The following GMDS variants were observed in gnomAD, a reference collection of about 807,000 sequenced individuals.
GMDS encodes the protein GDP-mannose 4,6 dehydratase.
GMDS carries 20 observed loss-of-function variants against 49.9 expected under a neutral mutation model. The observed-to-expected ratio is 0.40, with a 90% CI of 0.28 to 0.58. The LOEUF (loss-of-function observed/expected upper bound fraction) is 0.58, where lower values mean the gene tolerates loss of function less well. GMDS is among the 20% of genes least tolerant of loss of function. GMDS has a pLI of 0.42. For synonymous variants in GMDS, 177 were observed against 178.6 expected (o/e 0.99, Z 0.07); for missense variants, 362 against 481.4 (o/e 0.75, Z 2.32).
chr6:1,877,584 G>C (rs764725055), intron 7 of GMDS, among the ~76,000 whole-genome samples: 1 of 146,888 alleles, frequency 6.8e-6, no homozygotes, highest in Non-Finnish European at 1.5e-5. Context: ...GCTGCAGTGA[G>C]CTATGACTGC....
chr6:1,914,140 T>TG (rs1297249663), intron 7 of GMDS, among the ~76,000 whole-genome samples: 2 of 146,490 alleles, frequency 1.4e-5, no homozygotes, highest in African/African-American at 2.5e-5. Context: ...TGTTTTTTTT[T>TG]TTTTTTTTTT....
chr6:1,991,468 G>A (rs1000106272), intron 4 of GMDS, among the ~76,000 whole-genome samples: 5 of 152,150 alleles, frequency 3.3e-5, no homozygotes, highest in South Asian at 2.1e-4. Context: ...ACCAGTAACC[G>A]CTGGTCTCCT....
chr6:1,642,039 C>A (rs1008832261), intron 9 of GMDS, among the ~76,000 whole-genome samples: 2 of 152,106 alleles, frequency 1.3e-5, no homozygotes, highest in Non-Finnish European at 2.9e-5. Flanking sequence ...AGAAAGATCG[C>A]CCTGCGTAGC....
chr6:1,630,194 G>C (rs1379832863), intron 9 of GMDS, among the ~76,000 whole-genome samples: 1 of 152,228 alleles, frequency 6.6e-6, no homozygotes, highest in East Asian at 1.9e-4. Flanking sequence ...ATTTAAGCAA[G>C]TTAACTTCCT....
intron 1 of GMDS, among the ~76,000 whole-genome samples, chr6:2,173,131 G>C (rs953790849): frequency 1.3e-5 from 2 of 152,158 alleles, no homozygotes; most frequent in East Asian, 3.9e-4. Flanking sequence ...GCACTTCTAG[G>C]TTATTTTAAA....
intron 7 of GMDS, among the ~76,000 whole-genome samples, chr6:1,819,421 G>A (rs1321944884): frequency 6.6e-6 from 1 of 152,082 alleles, no homozygotes; most frequent in Admixed American, 6.6e-5. Flanking sequence ...AAAGTCACAT[G>A]GAAAAGCTCT....
At chr6:1,695,691 C>T (rs1188266686) in intron 9 of GMDS, among the ~76,000 whole-genome samples, 1 of 152,114 alleles carries the variant, frequency 6.6e-6, no homozygotes, top group African/African-American at 2.4e-5. Flanking sequence ...TGTGCTTTTC[C>T]CTGCAAGGCC....
intron 1 of GMDS, among the ~76,000 whole-genome samples, chr6:2,135,987 T>G (rs1174156721): frequency 1.3e-5 from 2 of 152,198 alleles, no homozygotes; most frequent in African/African-American, 4.8e-5. Context: ...TAGAGCCAAC[T>G]ACATACCTAG....
intron 6 of GMDS, among the ~76,000 whole-genome samples, chr6:1,948,483 T>G (rs1045368601): frequency 7.2e-5 from 11 of 152,092 alleles, no homozygotes; most frequent in African/African-American, 2.4e-4. Flanking sequence ...AATACATGTA[T>G]CACTTAAAAA....
chr6:2,227,530 A>G (rs968875773), intron 1 of GMDS, among the ~76,000 whole-genome samples: 22 of 152,234 alleles, frequency 1.4e-4, no homozygotes, highest in Non-Finnish European at 2.5e-4. Context: ...AACAAGCTCC[A>G]TATCTAGAGA....
At chr6:1,954,210 AT>A (rs1342376793) in intron 6 of GMDS, among the ~76,000 whole-genome samples, 2 of 152,248 alleles carry the variant, frequency 1.3e-5, no homozygotes, top group African/African-American at 4.8e-5. Context: ...TAAGTGTGTA[AT>A]AATAGTATGT....
intron 1 of GMDS, among the ~76,000 whole-genome samples, chr6:2,209,418 C>T (rs1293275681): frequency 6.6e-6 from 1 of 152,226 alleles, no homozygotes; most frequent in East Asian, 1.9e-4. Flanking sequence ...GCTCACCTTC[C>T]CCCTGCAGGG....
intron 9 of GMDS, among the ~76,000 whole-genome samples, chr6:1,686,071 G>A (rs568635982): frequency 1.6e-4 from 25 of 152,256 alleles, no homozygotes; most frequent in Non-Finnish European, 2.9e-4. Flanking sequence ...CTTTTTGGCC[G>A]TGGGTCTGGT....
intron 7 of GMDS, among the ~76,000 whole-genome samples, chr6:1,793,185 G>A (rs1769608114): frequency 6.6e-6 from 1 of 152,124 alleles, no homozygotes; most frequent in Non-Finnish European, 1.5e-5. Context: ...GCAGTTTCCT[G>A]GGTCATGATA....
At position 2,191,469 on chromosome 6, in the gene GMDS, G is replaced by A. The variant is rs555847915; in HGVS notation, c.102+53852C>T. Among the ~76,000 whole-genome samples the A allele has an allele frequency of 1.7e-3, 260 of 152,282 alleles. 1 individual carries two copies. Among genetic ancestry groups the A allele is most frequent in the African/African-American group, 4.0e-3 (166 of 41,570 alleles). ...TGCCCTCCCAGACACATCTGCAGCCGCCCAGGTGGGGCTGTGGACCCGGGC... is the reference window on the plus strand; with the variant it reads ...TGCCCTCCCAGACACATCTGCAGCCACCCAGGTGGGGCTGTGGACCCGGGC... On this transcript the variant is annotated intron_variant, in intron 1 of 10. Transcript: ENST00000380815. The surrounding 1 kb of genome is among the most constrained non-coding windows in gnomAD (Gnocchi z 4.6).
chr6:2,174,568 TG>T (rs1358010724), intron 1 of GMDS, among the ~76,000 whole-genome samples: 5 of 152,080 alleles, frequency 3.3e-5, no homozygotes, highest in African/African-American at 1.2e-4. Context: ...TGTTTTGTTT[TG>T]TTTTGTTTTT....
chr6:2,182,306 C>G (rs1393068363), intron 1 of GMDS, among the ~76,000 whole-genome samples: 1 of 152,214 alleles, frequency 6.6e-6, no homozygotes, highest in Non-Finnish European at 1.5e-5. Context: ...AAAGTGTAAG[C>G]TGAAGCAGCA....
intron 9 of GMDS, among the ~76,000 whole-genome samples, chr6:1,669,464 G>A (rs1307148195): frequency 3.3e-5 from 5 of 152,176 alleles, no homozygotes; most frequent in Non-Finnish European, 5.9e-5. Context: ...AGAGAAAAAC[G>A]CACTTTGTGG....
In GMDS at chr6:2,182,717, T is replaced by C. The variant is rs560512184; in HGVS notation, c.103-57986A>G. Among the ~76,000 whole-genome samples, 3 of 152,348 alleles carry C rather than the reference T, an allele frequency of 2.0e-5. No individual in the cohort carries two copies. In the South Asian group the frequency reaches 6.2e-4, roughly 32 times the overall value. On this transcript the variant is annotated intron_variant, in intron 1 of 10. Transcript: ENST00000380815. ...AGACCTATTGCTCAAAAGATTTACT[T>C]GTCTTTGAGACAGAGTATCACTGTG... is the stretch of plus-strand genomic sequence containing the variant.
Sources: gnomAD v4.1 joint callset for allele counts (sites outside exome capture counted in the v4.1 genomes callset) on GRCh38, gnomAD v4.1.1 for gene constraint, Gnocchi (gnomAD v3.1) non-coding constraint, MANE v1.5 for transcripts, NCBI Gene and HGNC (gene_info 2026-07-23, HGNC 2026-07-21) for gene names.